CNTN5: variants seen among roughly 807,000 people sequenced by gnomAD.
CNTN5 encodes contactin 5, also known as contactin-5.
A neutral mutation model predicts 129.1 loss-of-function variants in CNTN5; 77 were observed. That is an observed-to-expected ratio of 0.60 (90% CI 0.50 to 0.72). CNTN5 has a LOEUF of 0.72. Among genes scored for constraint, CNTN5 ranks in the 30% least tolerant of loss-of-function variants. CNTN5 has a pLI of 0.00. For missense variants in CNTN5, 1,478 were observed against 1,328.8 expected, an observed-to-expected ratio of 1.11 and a Z score of -1.75; for synonymous variants, 509 against 465.6, an observed-to-expected ratio of 1.09 and a Z score of -1.20.
intron 16 of CNTN5, among the ~76,000 whole-genome samples, chr11:100,236,816 T>C (rs1949624039): frequency 6.6e-6 from 1 of 152,074 alleles, no homozygotes; most frequent in South Asian, 2.1e-4. Context: ...TCTCCTACAA[T>C]TGTAAAGCCT....
intron 2 of CNTN5, among the ~76,000 whole-genome samples, chr11:99,377,078 CTG>C (rs1341249250): frequency 6.6e-6 from 1 of 152,012 alleles, no homozygotes; most frequent in Non-Finnish European, 1.5e-5. Flanking sequence ...GGATTAAATT[CTG>C]TCAGGAAGCG....
intron 2 of CNTN5, among the ~76,000 whole-genome samples, chr11:99,366,680 G>C (rs867733461): frequency 2.0e-5 from 3 of 152,122 alleles, no homozygotes. Flanking sequence ...CTTCTGTGAC[G>C]TCGCCACAGG....
intron 7 of CNTN5, among the ~76,000 whole-genome samples, chr11:99,943,651 G>GT (rs35036336): frequency 0.16 from 24,647 of 151,994 alleles, 2,109 homozygotes; most frequent in Middle Eastern, 0.21. Flanking sequence ...TTCTTCTAGG[G>GT]TTTTTATGGT....
rs563002835 is a variant in CNTN5 at position 99,093,736 on chromosome 11, G to A, written c.-210+72466G>A. Among the ~76,000 whole-genome samples the A allele has an allele frequency of 1.4e-4, 22 of 151,962 alleles. 1 individual carries two copies. The highest frequency in any genetic ancestry group is 9.7e-4 in the East Asian group (5 of 5,162). ...CTGAGTTTATAGCCCTTTACATTTC[G>A]TCTGGCATAATATATCATTCTATTT... is the stretch of plus-strand genomic sequence containing the variant. On this transcript the variant is annotated intron_variant, in intron 1 of 24. Coordinates refer to ENST00000524871, the MANE Select transcript of CNTN5 (RefSeq NM_014361.4).
At chr11:100,345,585 A>T (rs1453265124) in intron 23 of CNTN5, among the ~76,000 whole-genome samples, 1 of 151,906 alleles carries the variant, frequency 6.6e-6, no homozygotes, top group Non-Finnish European at 1.5e-5. Flanking sequence ...ATTAAAAAAA[A>T]AAAAGAGGTT....
At chr11:99,528,870 C>A (rs1947588936) in intron 2 of CNTN5, among the ~76,000 whole-genome samples, 1 of 151,054 alleles carries the variant, frequency 6.6e-6, no homozygotes, top group Admixed American at 6.6e-5. Flanking sequence ...TCGAGAACAG[C>A]CTGACCAACA....
At chr11:99,823,665 T>C (rs1946868046) in intron 4 of CNTN5, among the ~76,000 whole-genome samples, 1 of 152,132 alleles carries the variant, frequency 6.6e-6, no homozygotes, top group South Asian at 2.1e-4. Context: ...AATAATTTCA[T>C]GAAAGTGTCT....
intron 3 of CNTN5, among the ~76,000 whole-genome samples, chr11:99,574,048 C>G (rs117932217): frequency 6.6e-6 from 1 of 152,178 alleles, no homozygotes; most frequent in Non-Finnish European, 1.5e-5. Flanking sequence ...AATGCTATCA[C>G]TCCCTATACC....
intron 1 of CNTN5, among the ~76,000 whole-genome samples, chr11:99,175,153 G>A (rs1023335429): frequency 6.7e-6 from 1 of 148,516 alleles, no homozygotes; most frequent in Non-Finnish European, 1.5e-5. Context: ...AGGATTGCTT[G>A]AGCCCAGGAG....
At chr11:99,373,694 C>T (rs1591591151) in intron 2 of CNTN5, among the ~76,000 whole-genome samples, 1 of 97,536 alleles carries the variant, frequency 1.0e-5, no homozygotes, top group African/African-American at 4.1e-5. Context: ...GCCTGGGAAA[C>T]GAGGAAAACT....
chr11:99,550,650 G>A (rs964431372), intron 2 of CNTN5, among the ~76,000 whole-genome samples: 1 of 152,166 alleles, frequency 6.6e-6, no homozygotes, highest in African/African-American at 2.4e-5. Context: ...TCACATGCAA[G>A]TGGGAGTAGA....
intron 3 of CNTN5, among the ~76,000 whole-genome samples, chr11:99,651,326 G>C (rs1952148182): frequency 6.6e-6 from 1 of 151,726 alleles, no homozygotes; most frequent in African/African-American, 2.4e-5. Context: ...AGTGCAGAAA[G>C]GGGAAAGAAG....
chr11:99,844,472 C>T (rs1034506167), intron 4 of CNTN5: 7 of 280,790 alleles, frequency 2.5e-5, no homozygotes, highest in Non-Finnish European at 3.4e-5. Context: ...ATTACTTTTG[C>T]GTGTGTATTA....
At chr11:99,289,496 T>A (rs59575208) in intron 1 of CNTN5, among the ~76,000 whole-genome samples, 249 of 151,892 alleles carry the variant, frequency 1.6e-3, no homozygotes, top group African/African-American at 5.7e-3. Context: ...TTCACTTAGA[T>A]GGGCACCAAT....
chr11:99,768,805 T>G (rs1944845748), intron 3 of CNTN5, among the ~76,000 whole-genome samples: 1 of 152,150 alleles, frequency 6.6e-6, no homozygotes, highest in Admixed American at 6.6e-5. Flanking sequence ...TCTAGTGATA[T>G]ATTTAAATTC....
chr11:99,876,597 T>C (rs1025888), intron 6 of CNTN5, among the ~76,000 whole-genome samples: 74,116 of 151,954 alleles, frequency 0.49, 18,800 homozygotes, highest in Middle Eastern at 0.63. Flanking sequence ...TTCAAGTTTC[T>C]TGGTCGAGTT....
rs371993314 is a variant in CNTN5, at chr11:100,063,234, T to TA, written c.1162+1852dup. Among the ~76,000 whole-genome samples, 124 of 148,282 alleles carry TA rather than the reference T, an allele frequency of 8.4e-4. 1 individual carries two copies. The highest frequency in any genetic ancestry group is 5.1e-3 in the East Asian group (26 of 5,078). ...GTAATGATGACTGTTTCCAGAAATGTAAAAAAAAAAATTGCTTTCACTCCT... is the reference window on the plus strand; with the variant it reads ...GTAATGATGACTGTTTCCAGAAATGTAAAAAAAAAAAATTGCTTTCACTCCT... On this transcript the variant is annotated intron_variant, in intron 10 of 24. Transcript: ENST00000524871.
intron 3 of CNTN5, among the ~76,000 whole-genome samples, chr11:99,600,964 C>A (rs913124099): frequency 6.6e-6 from 1 of 152,168 alleles, no homozygotes; most frequent in African/African-American, 2.4e-5. Context: ...ATATCTACTG[C>A]AAATGTAATT....
intron 3 of CNTN5, among the ~76,000 whole-genome samples, chr11:99,668,690 AG>A (rs1952902479): frequency 6.6e-6 from 1 of 152,092 alleles, no homozygotes; most frequent in South Asian, 2.1e-4. Flanking sequence ...GCACTTTGGG[AG>A]GCCGAGGTGC....
Sources: allele counts gnomAD v4.1 joint callset (sites outside exome capture counted in the v4.1 genomes callset), GRCh38; gene constraint gnomAD v4.1.1; transcripts MANE v1.5; gene names NCBI Gene and HGNC (gene_info 2026-07-23, HGNC 2026-07-21).